Variants in DCUN1D2 observed in about 807,000 individuals in gnomAD.
The protein encoded by DCUN1D2 is DCN1-like protein 2.
DCUN1D2 carries 29 observed loss-of-function variants against 30.9 expected under a neutral mutation model. That is an observed-to-expected ratio of 0.94 (90% CI 0.70 to 1.28). DCUN1D2 has a LOEUF of 1.28. Ranked by LOEUF, DCUN1D2 falls within the 50% of genes most tolerant of loss-of-function variation. DCUN1D2 has a pLI of 0.00. For missense variants in DCUN1D2, 325 were observed against 316.9 expected (o/e 1.03, Z -0.19); for synonymous variants, 121 against 115.3 (o/e 1.05, Z -0.32).
intron 4 of DCUN1D2, among the ~76,000 whole-genome samples, chr13:113,473,267 T>A (rs1339361608): frequency 6.6e-6 from 1 of 152,130 alleles, no homozygotes; most frequent in Non-Finnish European, 1.5e-5. Flanking sequence ...TCTGTGCAAC[T>A]GCCCTCTCAG....
intron 4 of DCUN1D2, among the ~76,000 whole-genome samples, chr13:113,462,187 G>A (rs1443586756): frequency 6.6e-6 from 1 of 151,736 alleles, no homozygotes; most frequent in Non-Finnish European, 1.5e-5. Flanking sequence ...GGGAGGCGGA[G>A]GTTGTGGTGA....
rs758274197 is a variant in DCUN1D2 at position 113,474,104 on chromosome 13, T to C, written c.520+20A>G. On this transcript the variant is annotated intron_variant, in intron 4 of 6. Transcript: ENST00000478244. ...CCTCATTATGATCTGGCATTTTACG[T>C]ATTTGGATTTCATACTCACCTAAAC... 1 of 1,605,102 alleles carries C rather than the reference T, an allele frequency of 6.2e-7. No individual in the cohort carries two copies. The highest frequency in any genetic ancestry group is 1.7e-4 in the Middle Eastern group (1 of 6,028).
chr13:113,459,651 TC>T, intron 5 of DCUN1D2: 2 of 316,640 alleles, frequency 6.3e-6, no homozygotes, highest in Non-Finnish European at 1.2e-5. Context: ...AATTATAAAC[TC>T]CTGTTTTGTC....
At chr13:113,460,731 C>T (rs1461771818) in intron 5 of DCUN1D2, among the ~76,000 whole-genome samples, 2 of 152,238 alleles carry the variant, frequency 1.3e-5, no homozygotes, top group African/African-American at 4.8e-5. Context: ...GACAGAATTA[C>T]CGTCTAGGTC....
intron 4 of DCUN1D2, among the ~76,000 whole-genome samples, chr13:113,471,956 G>A (rs2044523820): frequency 6.6e-6 from 1 of 152,194 alleles, no homozygotes; most frequent in Non-Finnish European, 1.5e-5. Flanking sequence ...CGACAGGGGA[G>A]GCCTGGCTGT....
At chr13:113,472,530 G>A (rs180803075) in intron 4 of DCUN1D2, among the ~76,000 whole-genome samples, 31 of 152,276 alleles carry the variant, frequency 2.0e-4, no homozygotes, top group African/African-American at 7.2e-4. Flanking sequence ...GAGTTCACGG[G>A]GACATGAACA....
chr13:113,490,863 C>T, upstream of DCUN1D2: 1 of 328,688 alleles, frequency 3.0e-6, no homozygotes, highest in Non-Finnish European at 4.9e-6. This position sits in a 1 kb window ranked among gnomAD's most constrained non-coding sequence, Gnocchi z 5.2. Context: ...AGCCCCTGCG[C>T]GTCCAGCCCT....
intron 4 of DCUN1D2, among the ~76,000 whole-genome samples, chr13:113,463,456 C>T (rs549310323): frequency 5.1e-4 from 77 of 152,054 alleles, no homozygotes; most frequent in Admixed American, 5.0e-3. Context: ...CTTTAGGAGG[C>T]CGCGGCAGGA....
At position 113,456,349 on chromosome 13, in the gene DCUN1D2, C is replaced by T. The variant is rs549846521; in HGVS notation, c.*1680G>A. The T allele has an allele frequency of 3.0e-5, 12 of 398,732 alleles. No homozygotes were observed. The highest frequency in any genetic ancestry group is 4.4e-5 in the Admixed American group (1 of 22,736). 24.7% of individuals were successfully genotyped at this position (398,732 alleles called of 1,614,324 possible). A position where few individuals can be genotyped will look rare whatever the true frequency, so the allele number is the denominator to read the frequency against. The stretch of plus-strand genomic sequence containing the variant: ...TGTGACCATCTCTGCTAAGAAACAT[C>T]GACAGTTCGTCCTGCAGCCTCCAAG... On this transcript the variant is annotated 3_prime_UTR_variant, in exon 7 of 7. Coordinates refer to ENST00000478244, the MANE Select transcript of DCUN1D2 (RefSeq NM_001014283.2).
intron 2 of DCUN1D2, among the ~76,000 whole-genome samples, chr13:113,481,264 T>C (rs763544527): frequency 1.5e-4 from 23 of 152,220 alleles, no homozygotes; most frequent in Non-Finnish European, 3.4e-4. Flanking sequence ...TATCCACATT[T>C]AATAGCTTAG....
chr13:113,481,561 G>T (rs1464650086), intron 2 of DCUN1D2, among the ~76,000 whole-genome samples: 1 of 152,188 alleles, frequency 6.6e-6, no homozygotes, highest in Non-Finnish European at 1.5e-5. Context: ...CATTTAAGTA[G>T]TATACTACCA....
At chr13:113,491,546 T>G (rs1354604259), upstream of DCUN1D2, among the ~76,000 whole-genome samples, 1 of 151,894 alleles carries the variant, frequency 6.6e-6, no homozygotes, top group Non-Finnish European at 1.5e-5. Flanking sequence ...GGGGCTCACC[T>G]CCCCTCTCTC....
chr13:113,490,680 CCG>C lies in DCUN1D2; in HGVS notation c.-13_-12del. 8.0e-7 allele frequency: 1 copy of C among 1,242,754 alleles called. No individual in the cohort carries two copies. The highest frequency in any genetic ancestry group is 4.0e-5 in the Admixed American group (1 of 24,776). The allele number at this position is 1,242,754 out of a possible 1,614,324, so 77.0% of individuals were successfully genotyped here. ...CGGGCCACCTACCATCTCCCCCGCG[CCG>C]CCCGCTTCTGGCCGGCCCCGGCCTT... is the stretch of plus-strand genomic sequence containing the variant. On this transcript the variant is annotated 5_prime_UTR_variant, in exon 1 of 7. Transcript: ENST00000478244. The surrounding 1 kb of genome is among the most constrained non-coding windows in gnomAD (Gnocchi z 5.2).
chr13:113,483,836 T>C lies in DCUN1D2; in HGVS notation c.220+4A>G. On this transcript the variant is annotated splice_donor_region_variant and intron_variant, in intron 2 of 6. Transcript: ENST00000478244. ...CGTCCGGCTTTGCTGCAGTCTCCTC[T>C]TACCTTTGTACCTGCCGTACAGCCG... 6.2e-7 allele frequency: 1 copy of C among 1,611,910 alleles called. No homozygotes were observed. Among genetic ancestry groups the C allele is most frequent in the Non-Finnish European group, 8.5e-7 (1 of 1,179,880 alleles).
chr13:113,481,795 A>T (rs2262207), intron 2 of DCUN1D2, among the ~76,000 whole-genome samples: 1 of 150,962 alleles, frequency 6.6e-6, no homozygotes. Flanking sequence ...GAGGCAGGAG[A>T]ATCGCTTGAA....
intron 4 of DCUN1D2, among the ~76,000 whole-genome samples, chr13:113,471,941 CA>C (rs560271549): frequency 5.3e-5 from 8 of 152,280 alleles, no homozygotes; most frequent in South Asian, 4.1e-4. Flanking sequence ...AAAGACCACC[CA>C]CAACGACAGG....
At position 113,490,659 on chromosome 13, in the gene DCUN1D2, C is replaced by T. The variant is rs747413909; in HGVS notation, c.3+8G>A. ...CCCGACGGGCAGAGGCGACGCCGGG[C>T]CACCTACCATCTCCCCCGCGCCGCC... On this transcript the variant is annotated splice_region_variant and intron_variant, in intron 1 of 6. Coordinates refer to ENST00000478244, the MANE Select transcript of DCUN1D2 (RefSeq NM_001014283.2). The surrounding 1 kb of genome is among the most constrained non-coding windows in gnomAD (Gnocchi z 5.2). 6.5e-5 allele frequency: 81 copies of T among 1,248,986 alleles called. 1 individual carries two copies. The highest frequency in any genetic ancestry group is 7.3e-5 in the Non-Finnish European group (73 of 996,230). 77.4% of individuals were successfully genotyped at this position (1,248,986 alleles called of 1,614,324 possible).
intron 2 of DCUN1D2, among the ~76,000 whole-genome samples, chr13:113,481,122 T>C (rs77254342): frequency 0.089 from 13,490 of 152,258 alleles, 927 homozygotes; most frequent in Admixed American, 0.23. Context: ...TGATAAAGTA[T>C]TTACAATATC....
intron 4 of DCUN1D2, among the ~76,000 whole-genome samples, chr13:113,465,556 C>G (rs2044387785): frequency 6.6e-6 from 1 of 151,672 alleles, no homozygotes; most frequent in South Asian, 2.1e-4. Flanking sequence ...CAGCAGAAAC[C>G]AGCACCTGTC....
Sources: allele counts gnomAD v4.1 joint callset (sites outside exome capture counted in the v4.1 genomes callset), GRCh38; gene constraint gnomAD v4.1.1; non-coding constraint Gnocchi (gnomAD v3.1); transcripts MANE v1.5; gene names NCBI Gene and HGNC (gene_info 2026-07-23, HGNC 2026-07-21).